The following SRRM4 variants were observed in gnomAD, a reference collection of about 807,000 sequenced individuals.
SRRM4 encodes serine/arginine repetitive matrix protein 4.
Under a neutral mutation model 68.9 loss-of-function variants are expected in SRRM4, and 33 were observed. The observed-to-expected ratio is 0.48, with a 90% CI of 0.36 to 0.64. The LOEUF (loss-of-function observed/expected upper bound fraction) is 0.64, where lower values mean the gene tolerates loss of function less well. Among genes scored for constraint, SRRM4 ranks in the 30% least tolerant of loss-of-function variants. The probability of loss-of-function intolerance (pLI) is 0.00; values close to 1 mark genes in which losing one functional copy is unlikely to be tolerated. For synonymous variants in SRRM4, 318 were observed against 318.8 expected, an observed-to-expected ratio of 1.00 and a Z score of 0.03; for missense variants, 817 against 827.1, an observed-to-expected ratio of 0.99 and a Z score of 0.15.
intron 1 of SRRM4, among the ~76,000 whole-genome samples, chr12:119,051,712 G>T (rs1953743649): frequency 6.6e-6 from 1 of 152,170 alleles, no homozygotes; most frequent in Non-Finnish European, 1.5e-5. Context: ...CAGCAACAAA[G>T]TCTGGTTTTT....
At chr12:119,049,616 G>A (rs1156847886) in intron 1 of SRRM4, among the ~76,000 whole-genome samples, 2 of 152,148 alleles carry the variant, frequency 1.3e-5, no homozygotes, top group African/African-American at 2.4e-5. Flanking sequence ...CTCTTAATAC[G>A]GAGTCTGATC....
chr12:119,122,370 G>T (rs567442485), intron 6 of SRRM4, among the ~76,000 whole-genome samples: 4 of 151,910 alleles, frequency 2.6e-5, no homozygotes, highest in Non-Finnish European at 5.9e-5. Context: ...GCATAACTGC[G>T]TGTGTTGTAG....
intron 1 of SRRM4, among the ~76,000 whole-genome samples, chr12:119,040,400 C>T (rs2136011205): frequency 6.6e-6 from 1 of 152,264 alleles, no homozygotes; most frequent in East Asian, 1.9e-4. Flanking sequence ...TTCTTATGCC[C>T]TTGCATCCTC....
At chr12:119,121,626 C>T (rs867113339) in intron 5 of SRRM4, among the ~76,000 whole-genome samples, 16 of 152,152 alleles carry the variant, frequency 1.1e-4, no homozygotes, top group South Asian at 4.1e-4. Context: ...AGCTCACCTG[C>T]GCAATCCTAA....
At chr12:119,090,867 A>C (rs1199830970) in intron 1 of SRRM4, among the ~76,000 whole-genome samples, 5 of 152,198 alleles carry the variant, frequency 3.3e-5, no homozygotes, top group Non-Finnish European at 5.9e-5. Flanking sequence ...TCTGTAACCC[A>C]GGAGGAGAGA....
At chr12:119,014,708 A>G (rs1382798705) in intron 1 of SRRM4, among the ~76,000 whole-genome samples, 1 of 152,186 alleles carries the variant, frequency 6.6e-6, no homozygotes, top group Non-Finnish European at 1.5e-5. Context: ...AGGGAGGTAC[A>G]GTGGGCTCCT....
At chr12:119,139,601 G>A (rs1954352135) in intron 8 of SRRM4, among the ~76,000 whole-genome samples, 1 of 152,160 alleles carries the variant, frequency 6.6e-6, no homozygotes, top group Admixed American at 6.5e-5. Context: ...CTCTGCCAGA[G>A]GAATCTTCTA....
At chr12:119,112,656 C>A (rs1455730376) in intron 2 of SRRM4, among the ~76,000 whole-genome samples, 3 of 152,162 alleles carry the variant, frequency 2.0e-5, no homozygotes, top group East Asian at 3.9e-4. Flanking sequence ...TTTGCAGGCA[C>A]AAGGATGAAG....
At chr12:119,117,596 G>GCACACACA (rs71451816) in intron 4 of SRRM4, among the ~76,000 whole-genome samples, 27,123 of 150,306 alleles carry the variant, frequency 0.18, 2,942 homozygotes, top group South Asian at 0.26. Flanking sequence ...TGTTCACTGT[G>GCACACACA]CACACACACA....
At chr12:119,095,448 AC>A (rs1258874697) in intron 1 of SRRM4, among the ~76,000 whole-genome samples, 2 of 152,190 alleles carry the variant, frequency 1.3e-5, no homozygotes, top group Non-Finnish European at 2.9e-5. Flanking sequence ...GGAAGCAAGT[AC>A]TTTTGCCTCT....
chr12:119,054,988 A>T (rs1385540625), intron 1 of SRRM4, among the ~76,000 whole-genome samples: 1 of 152,044 alleles, frequency 6.6e-6, no homozygotes, highest in Non-Finnish European at 1.5e-5. Flanking sequence ...TGATGCTTAA[A>T]ATGACCAGGG....
At chr12:119,062,487 A>C in intron 1 of SRRM4, among the ~76,000 whole-genome samples, 1 of 152,236 alleles carries the variant, frequency 6.6e-6, no homozygotes, top group South Asian at 2.1e-4. Context: ...ATTTTACAGT[A>C]GCACTTAAAT....
chr12:119,043,808 A>ACACACACACACACACACACACAC (rs60118462), intron 1 of SRRM4, among the ~76,000 whole-genome samples: 3 of 150,906 alleles, frequency 2.0e-5, no homozygotes, highest in African/African-American at 2.4e-5. Context: ...ACACACACAC[A>ACACACACACACACACACACACAC]AGTCTTGGGC....
At chr12:118,985,088 CT>C (rs1953273651) in intron 1 of SRRM4, among the ~76,000 whole-genome samples, 1 of 152,186 alleles carries the variant, frequency 6.6e-6, no homozygotes, top group Admixed American at 6.5e-5. Flanking sequence ...GCAACAACTC[CT>C]CATCATTGTG....
At chr12:119,011,669 C>G (rs1409699291) in intron 1 of SRRM4, among the ~76,000 whole-genome samples, 1 of 152,204 alleles carries the variant, frequency 6.6e-6, no homozygotes, top group Non-Finnish European at 1.5e-5. Context: ...GTGTCTCCTG[C>G]CTTCCCATGG....
intron 1 of SRRM4, among the ~76,000 whole-genome samples, chr12:119,094,051 C>A (rs73211896): frequency 0.038 from 5,749 of 152,196 alleles, 123 homozygotes; most frequent in African/African-American, 0.05. Flanking sequence ...CCACATGATT[C>A]TTTTGTCCTT....
rs547930690 is a variant in SRRM4 at position 119,067,721 on chromosome 12, TAAATAA to T, written c.132-34496_132-34491del. ...AGATTTCATTTCAAAAATAAATAAA[TAAATAA>T]AAATAAAAATAAAAATAAGAGGTCA... On this transcript the variant is annotated intron_variant, in intron 1 of 12. Coordinates refer to ENST00000267260, the MANE Select transcript of SRRM4 (RefSeq NM_194286.4). Among the ~76,000 whole-genome samples, 137 of 151,652 alleles carry T rather than the reference TAAATAA, an allele frequency of 9.0e-4. 2 individuals carry two copies. Among genetic ancestry groups the T allele is most frequent in the African/African-American group, 3.0e-3 (122 of 41,340 alleles).
intron 2 of SRRM4, among the ~76,000 whole-genome samples, chr12:119,109,696 G>T (rs1024909639): frequency 5.3e-5 from 8 of 152,094 alleles, no homozygotes; most frequent in African/African-American, 1.9e-4. Flanking sequence ...TCTCTACACT[G>T]TTTATTCTAG....
chr12:119,039,209 G>T (rs898849058), intron 1 of SRRM4, among the ~76,000 whole-genome samples: 3 of 152,186 alleles, frequency 2.0e-5, no homozygotes, highest in African/African-American at 7.2e-5. Flanking sequence ...TAGGGGAAAA[G>T]ATTACAAGCC....
Sources: gnomAD v4.1 joint callset for allele counts (sites outside exome capture counted in the v4.1 genomes callset) on GRCh38, gnomAD v4.1.1 for gene constraint, MANE v1.5 for transcripts, NCBI Gene and HGNC (gene_info 2026-07-23, HGNC 2026-07-21) for gene names.